The following BSCL2 variants were observed in gnomAD, a reference collection of about 807,000 sequenced individuals.
BSCL2 encodes the protein seipin.
In BSCL2, 41 loss-of-function variants were observed where a neutral mutation model predicts 57.4. The ratio of observed to expected loss-of-function variants is 0.71; its 90% confidence interval spans 0.56 to 0.93. The LOEUF (loss-of-function observed/expected upper bound fraction) is 0.93, where lower values mean the gene tolerates loss of function less well. Ranked by LOEUF, BSCL2 falls within the 40% of genes least tolerant of loss-of-function variation. The pLI is 0.00. For missense variants in BSCL2, 539 were observed against 586.7 expected (o/e 0.92, Z 0.84); for synonymous variants, 237 against 227.3 (o/e 1.04, Z -0.38).
In BSCL2 at chr11:62,707,254, G is replaced by A. The variant is rs997855250; in HGVS notation, c.-59C>T. On this transcript the variant is annotated 5_prime_UTR_variant, in exon 1 of 11. The change creates a new upstream start codon in the 5' untranslated region. Transcript: ENST00000360796. ...CCACTGAGTCACTTGTGGCTAAAAC[G>A]TGAAGTGGCGATCCAGACGCTGATA... 24 of 1,429,016 alleles carry A rather than the reference G, an allele frequency of 1.7e-5. No homozygotes were observed. The highest frequency in any genetic ancestry group is 2.2e-5 in the Non-Finnish European group (23 of 1,035,220). The allele number at this position is 1,429,016 out of a possible 1,614,324, so 88.5% of individuals were successfully genotyped here. A position where few individuals can be genotyped will look rare whatever the true frequency, so the allele number is the denominator to read the frequency against.
chr11:62,707,099 G>A lies in BSCL2; in HGVS notation c.87+10C>T. On this transcript the variant is annotated intron_variant, in intron 1 of 10. Transcript: ENST00000360796. ...ATATTTCTGCTGACTGTCCCCACAA[G>A]GGCCCCTACCTCCTCTTTGTCCGGT... 6.4e-7 allele frequency: 1 copy of A among 1,551,630 alleles called. No individual in the cohort carries two copies. The highest frequency in any genetic ancestry group is 8.7e-7 in the Non-Finnish European group (1 of 1,146,276).
Position 62,692,737 on chromosome 11 carries a change from G to A in BSCL2, c.691C>T (p.Leu231Phe), listed in dbSNP as rs758991179. 1 of 1,614,014 alleles carries A rather than the reference G, an allele frequency of 6.2e-7. No individual in the cohort carries two copies. Residue 231 changes from leucine (L) to phenylalanine (F), a missense_variant, in exon 5 of 11, where the codon CTC (leucine) becomes TTC (phenylalanine). Transcript: ENST00000360796. Reference protein sequence around the residue: ...QMLDTLVFSSLLLFGFAEQKQ... With the variant: ...QMLDTLVFSSFLLFGFAEQKQ... ...TGCTCTGCAAAGCCAAATAGCAGGAGGCTAGAGAAGACCAGTGTGTCCAGC... is the reference window on the plus strand; with the variant it reads ...TGCTCTGCAAAGCCAAATAGCAGGAAGCTAGAGAAGACCAGTGTGTCCAGC...
chr11:62,708,186 G>C, upstream of BSCL2: 1 of 777,660 alleles, frequency 1.3e-6, no homozygotes, highest in South Asian at 1.4e-5. Flanking sequence ...GATAGGAGGG[G>C]AACAAAATAT....
At position 62,697,165 on chromosome 11, in the gene BSCL2, C is replaced by T. The variant is rs559171165; in HGVS notation, c.487-2454G>A. On this transcript the variant is annotated intron_variant, in intron 3 of 10. Coordinates refer to ENST00000360796, the MANE Select transcript of BSCL2 (RefSeq NM_001122955.4). The stretch of plus-strand genomic sequence containing the variant: ...ATCCCAGCACTTTGGGAGGCCAAGG[C>T]GGGCAGAAGACGAGGTCAGGAGATC... Among the ~76,000 whole-genome samples the T allele has an allele frequency of 2.8e-4, 43 of 151,976 alleles. No homozygotes were observed. The East Asian group carries it at 6.4e-3, about 23-fold the overall frequency.
intron 3 of BSCL2, among the ~76,000 whole-genome samples, chr11:62,699,208 T>C (rs1028145032): frequency 7.2e-6 from 1 of 139,724 alleles, no homozygotes; most frequent in Non-Finnish European, 1.5e-5. Flanking sequence ...TGGCCCCTAA[T>C]TTTTTCTGAG....
At chr11:62,690,952 TC>T in intron 8 of BSCL2, 85 bp from the exon 9 acceptor site, 1 of 1,579,274 alleles carries the variant, frequency 6.3e-7, no homozygotes. Flanking sequence ...TCCTCGCCTT[TC>T]CTTTGACCCT....
intron 3 of BSCL2, among the ~76,000 whole-genome samples, chr11:62,696,412 GCCT>G (rs554309908): frequency 1.7e-3 from 251 of 151,252 alleles, no homozygotes; most frequent in African/African-American, 5.6e-3. Flanking sequence ...TCCTGCCTCT[GCCT>G]CCTAAGTACC....
Position 62,706,631 on chromosome 11 carries a change from C to T in BSCL2, c.87+478G>A, listed in dbSNP as rs768730069. 42 of 472,700 alleles carry T rather than the reference C, an allele frequency of 8.9e-5. No individual in the cohort carries two copies. In the Middle Eastern group the frequency reaches 1.0e-3, roughly 11 times the overall value. 29.3% of individuals were successfully genotyped at this position (472,700 alleles called of 1,614,324 possible). A position where few individuals can be genotyped will look rare whatever the true frequency, so the allele number is the denominator to read the frequency against. On this transcript the variant is annotated intron_variant, in intron 1 of 10. Transcript: ENST00000360796. ...TGCACACCTTCACCACAGGCCATTT[C>T]ACCCGCGAAGCGGCCGAGTGAGGCG...
intron 1 of BSCL2, chr11:62,706,451 G>A (rs2083539442): frequency 2.4e-6 from 1 of 413,362 alleles, no homozygotes; most frequent in Non-Finnish European, 4.3e-6. Context: ...CCTTGCGCTC[G>A]CCACTGGCTC....
chr11:62,695,089 T>G (rs997188156), intron 3 of BSCL2, among the ~76,000 whole-genome samples: 7 of 152,324 alleles, frequency 4.6e-5, no homozygotes, highest in Admixed American at 3.9e-4. Flanking sequence ...ACATTATTAA[T>G]CAAGCACTGA....
intron 3 of BSCL2, among the ~76,000 whole-genome samples, chr11:62,699,638 T>G (rs1053403946): frequency 1.3e-5 from 2 of 151,412 alleles, no homozygotes; most frequent in African/African-American, 4.9e-5. Flanking sequence ...CCCAGGAGTT[T>G]GAGACCAGCC....
chr11:62,707,648 T>G (rs1590887974), upstream of BSCL2: 1 of 462,288 alleles, frequency 2.2e-6, no homozygotes, highest in South Asian at 2.1e-5. Flanking sequence ...GGCCAGGCAG[T>G]TGGTATGCTC....
chr11:62,708,538 C>A, upstream of BSCL2: 1 of 1,321,594 alleles, frequency 7.6e-7, no homozygotes, highest in Non-Finnish European at 1.1e-6. Flanking sequence ...GAGAGCTGTC[C>A]CCAGGCCTCT....
At chr11:62,697,022 A>G (rs1489859167) in intron 3 of BSCL2, among the ~76,000 whole-genome samples, 1 of 151,766 alleles carries the variant, frequency 6.6e-6, no homozygotes, top group Non-Finnish European at 1.5e-5. Flanking sequence ...GGGGTGACAG[A>G]ATGAGACCCC....
At chr11:62,698,821 T>A (rs1945552588) in intron 3 of BSCL2, among the ~76,000 whole-genome samples, 1 of 152,192 alleles carries the variant, frequency 6.6e-6, no homozygotes, top group Non-Finnish European at 1.5e-5. Context: ...CCCATTATGA[T>A]CTCTGCAATG....
upstream of BSCL2, chr11:62,708,533 C>G: frequency 2.4e-6 from 3 of 1,272,308 alleles, no homozygotes; most frequent in Non-Finnish European, 3.4e-6. Flanking sequence ...GTAGAGAGAG[C>G]TGTCCCCAGG....
rs1385618286 is a variant in BSCL2, at chr11:62,702,482, C to T, written c.472G>A (p.Gly158Ser). 1 of 1,612,746 alleles carries T rather than the reference C, an allele frequency of 6.2e-7. No homozygotes were observed. The highest frequency in any genetic ancestry group is 1.7e-5 in the Admixed American group (1 of 59,950). Reference sequence around the variant, plus strand: ...CCCATACTCACCCGATCACGTCCACCCTTAGTCAGCGAGACATTGGCAACA... The same window carrying T: ...CCCATACTCACCCGATCACGTCCACTCTTAGTCAGCGAGACATTGGCAACA... ...FPVANVSLTK[G>S]GRDRVLMYGQ... The change falls in exon 3 of 11, where the codon GGT becomes AGT. Residue 158 changes from glycine to serine, a missense_variant. This residue lies in a region of BSCL2 where 218 missense variants were observed against 224.8 expected (regional missense o/e 0.97). Transcript: ENST00000360796.
At chr11:62,700,515 C>T (rs1010790957) in intron 3 of BSCL2, among the ~76,000 whole-genome samples, 1 of 152,086 alleles carries the variant, frequency 6.6e-6, no homozygotes, top group Non-Finnish European at 1.5e-5. Flanking sequence ...GTGGCATACG[C>T]CTGTAACCCC....
chr11:62,706,400 G>A (rs1003456487), intron 1 of BSCL2: 6 of 740,608 alleles, frequency 8.1e-6, no homozygotes, highest in Admixed American at 4.1e-5. Flanking sequence ...GGGGCGGGGC[G>A]GGACGGGGCG....
Sources: allele counts gnomAD v4.1 joint callset (sites outside exome capture counted in the v4.1 genomes callset), GRCh38; gene constraint gnomAD v4.1.1; regional missense constraint gnomAD v4.1.1; transcripts MANE v1.5; gene names NCBI Gene and HGNC (gene_info 2026-07-23, HGNC 2026-07-21).